Variants in KIAA0319L observed in about 807,000 individuals in gnomAD.
KIAA0319L encodes the protein KIAA0319 like.
In KIAA0319L, 55 loss-of-function variants were observed where a neutral mutation model predicts 120.1. The ratio of observed to expected loss-of-function variants is 0.46; its 90% CI spans 0.37 to 0.57. The LOEUF (loss-of-function observed/expected upper bound fraction) is 0.57. Among genes scored for constraint, KIAA0319L ranks in the 20% least tolerant of loss-of-function variants. KIAA0319L has a pLI of 0.00. For missense variants in KIAA0319L, 1,049 were observed against 1,255.3 expected (o/e 0.84, Z 2.48); for synonymous variants, 398 against 471.9 (o/e 0.84, Z 2.03).
At chr1:35,527,938 C>G (rs966688613) in intron 2 of KIAA0319L, among the ~76,000 whole-genome samples, 1 of 151,368 alleles carries the variant, frequency 6.6e-6, no homozygotes, top group African/African-American at 2.4e-5. Context: ...TTGTCCTTGC[C>G]TTTCTAGTTC....
chr1:35,435,833 T>C (rs1197133485), intron 20 of KIAA0319L, among the ~76,000 whole-genome samples: 1 of 152,176 alleles, frequency 6.6e-6, no homozygotes, highest in Non-Finnish European at 1.5e-5. Context: ...TGTGGTCTGA[T>C]AAGAAGAGTT....
intron 6 of KIAA0319L, among the ~76,000 whole-genome samples, chr1:35,469,472 A>G (rs1427152039): frequency 6.6e-6 from 1 of 152,138 alleles, no homozygotes; most frequent in African/African-American, 2.4e-5. Context: ...TTAATCCGGC[A>G]TATAAGGCTT....
intron 2 of KIAA0319L, among the ~76,000 whole-genome samples, chr1:35,519,879 A>G (rs191668148): frequency 6.6e-6 from 1 of 152,262 alleles, no homozygotes; most frequent in African/African-American, 2.4e-5. Context: ...CAGCACTGAT[A>G]TTCTCCACTC....
chr1:35,456,955 G>GGAAA (rs1642513698), intron 9 of KIAA0319L, among the ~76,000 whole-genome samples: 1 of 151,590 alleles, frequency 6.6e-6, no homozygotes, highest in Non-Finnish European at 1.5e-5. Context: ...AAGGAAGGAA[G>GGAAA]GAAGGAAGCA....
chr1:35,542,401 T>C (rs1646827917), intron 2 of KIAA0319L, among the ~76,000 whole-genome samples: 1 of 152,176 alleles, frequency 6.6e-6, no homozygotes, highest in South Asian at 2.1e-4. Context: ...CTGTCTCCTA[T>C]CTCTTGCTCA....
intron 13 of KIAA0319L, among the ~76,000 whole-genome samples, chr1:35,450,870 C>A (rs1642010083): frequency 6.6e-6 from 1 of 152,196 alleles, no homozygotes; most frequent in African/African-American, 2.4e-5. Flanking sequence ...TAGGTTTCAC[C>A]TAGCTGATCT....
chr1:35,452,457 C>T (rs982588975), intron 12 of KIAA0319L, among the ~76,000 whole-genome samples: 2 of 152,152 alleles, frequency 1.3e-5, no homozygotes, highest in African/African-American at 4.8e-5. Context: ...ATCAAAATGC[C>T]CCAGAGCTTT....
At chr1:35,539,024 T>C (rs184471856) in intron 2 of KIAA0319L, among the ~76,000 whole-genome samples, 1 of 152,292 alleles carries the variant, frequency 6.6e-6, no homozygotes, top group Non-Finnish European at 1.5e-5. Flanking sequence ...GTATTAATTC[T>C]AGGCAGGGAA....
rs1642441574 is a variant in KIAA0319L, at chr1:35,456,198, C to T, written c.1471G>A (p.Ala491Thr). ...ACAGCTTTGTTCACTGTCAGGTTTG[C>T]AGTAGTAGAGTTGGTAGCTCCATCA... ...DSDGATNSTTANLTVNKAVDY... is the reference protein window; with the variant it reads ...DSDGATNSTTTNLTVNKAVDY... Residue 491 changes from alanine to threonine, a missense_variant, in exon 10 of 21, where the codon GCA (alanine) becomes ACA (threonine). Ala to Thr is a moderately conservative substitution (Grantham distance 58). Transcript: ENST00000325722. The T allele has an allele frequency of 1.2e-6, 2 of 1,609,354 alleles. No homozygotes were observed. Among genetic ancestry groups the T allele is most frequent in the African/African-American group, 1.3e-5 (1 of 74,904 alleles).
At chr1:35,471,269 A>C (rs1207549429) in intron 5 of KIAA0319L, among the ~76,000 whole-genome samples, 1 of 152,214 alleles carries the variant, frequency 6.6e-6, no homozygotes, top group Non-Finnish European at 1.5e-5. Flanking sequence ...ACCACTGAAA[A>C]TACATGTCCG....
At position 35,453,286 on chromosome 1, in the gene KIAA0319L, AT is replaced by A. The variant is rs1287440151; in HGVS notation, c.1913+270del. 6.6e-6 allele frequency among the ~76,000 whole-genome samples: 1 copy of A among 152,190 alleles called. No homozygotes were observed. The highest frequency in any genetic ancestry group is 1.5e-5 in the Non-Finnish European group (1 of 68,042). ...CCTCTCAAGTGTAATTAAACTCTGCATTTCAGCAGATGGATTGTACCTGAAA... is the reference window on the plus strand; with the variant it reads ...CCTCTCAAGTGTAATTAAACTCTGCATTCAGCAGATGGATTGTACCTGAAA... On this transcript the variant is annotated intron_variant, in intron 12 of 20. Coordinates refer to ENST00000325722, the MANE Select transcript of KIAA0319L (RefSeq NM_024874.5). The surrounding 1 kb of genome is among the most constrained non-coding windows in gnomAD (Gnocchi z 4.1).
At chr1:35,484,336 G>C (rs1644282667) in intron 3 of KIAA0319L, among the ~76,000 whole-genome samples, 1 of 152,170 alleles carries the variant, frequency 6.6e-6, no homozygotes, top group Non-Finnish European at 1.5e-5. Flanking sequence ...AGCTACTTGA[G>C]AGGCTGAAGG....
At chr1:35,466,835 C>G in intron 6 of KIAA0319L, 140 bp from the exon 7 acceptor site, 2 of 641,656 alleles carry the variant, frequency 3.1e-6, no homozygotes, top group Non-Finnish European at 5.4e-6. Flanking sequence ...GTAAAGTAGC[C>G]TGTAATCCTA....
At position 35,442,294 on chromosome 1, in the gene KIAA0319L, A is replaced by G; in HGVS notation, c.2822T>C (p.Val941Ala). The change falls in exon 19 of 21, where the codon GTT becomes GCT. Residue 941 changes from valine (V) to alanine (A), a missense_variant. Physicochemically the swap from Val to Ala is moderately conservative, Grantham distance 64. Transcript: ENST00000325722. ...LYVIIATFVIVVALGILSWTV... is the reference protein window; with the variant it reads ...LYVIIATFVIAVALGILSWTV... ...CCAAGACAGGATTCCCAAGGCAACA[A>G]CAATGACAAAGGTAGCAATGATAAC... is the stretch of plus-strand genomic sequence containing the variant. 1 of 1,614,102 alleles carries G rather than the reference A, an allele frequency of 6.2e-7. No homozygotes were observed. The highest frequency in any genetic ancestry group is 8.5e-7 in the Non-Finnish European group (1 of 1,179,924).
chr1:35,481,807 G>A (rs559915974), intron 3 of KIAA0319L, among the ~76,000 whole-genome samples: 7 of 134,082 alleles, frequency 5.2e-5, no homozygotes, highest in Admixed American at 1.6e-4. Context: ...CAACCATTCT[G>A]CTGTTTCTTT....
rs777641299 is a variant in KIAA0319L, at chr1:35,451,702, T to C, written c.1988A>G (p.Tyr663Cys). ...ATCTTTGACAGTCAAGGTGAACACA[T>C]AGGTCCCCACTTGCAGCCCAGTCAC... ...ATVTGLQVGTYVFTLTVKDER... is the reference protein window; with the variant it reads ...ATVTGLQVGTCVFTLTVKDER... Residue 663 changes from tyrosine (Y) to cysteine (C), a missense_variant, in exon 13 of 21, where the codon TAT (tyrosine) becomes TGT (cysteine). Coordinates refer to ENST00000325722, the MANE Select transcript of KIAA0319L (RefSeq NM_024874.5). The C allele has an allele frequency of 5.0e-6, 8 of 1,614,002 alleles. No individual in the cohort carries two copies. The highest frequency in any genetic ancestry group is 1.7e-5 in the Admixed American group (1 of 60,000).
upstream of KIAA0319L, chr1:35,557,547 C>T: frequency 2.5e-6 from 1 of 396,306 alleles, no homozygotes; most frequent in South Asian, 1.8e-5. Context: ...TAAAACTACG[C>T]ACAAGCGAAG....
At chr1:35,509,999 C>T (rs1263332106) in intron 2 of KIAA0319L, 1 of 152,590 alleles carries the variant, frequency 6.6e-6, no homozygotes, top group Non-Finnish European at 1.5e-5. Context: ...CTCTGAAGTT[C>T]TGCAAGAGCA....
chr1:35,518,649 CCT>C (rs1216740287), intron 2 of KIAA0319L, among the ~76,000 whole-genome samples: 1 of 152,016 alleles, frequency 6.6e-6, no homozygotes, highest in Non-Finnish European at 1.5e-5. Context: ...AAAACAAACC[CCT>C]GTGACACGAG....
Sources: gnomAD v4.1 joint callset for allele counts (sites outside exome capture counted in the v4.1 genomes callset) on GRCh38, gnomAD v4.1.1 for gene constraint, Gnocchi (gnomAD v3.1) non-coding constraint, MANE v1.5 for transcripts, NCBI Gene and HGNC (gene_info 2026-07-23, HGNC 2026-07-21) for gene names.